The following TMTC2 variants were observed in gnomAD, a reference collection of about 807,000 sequenced individuals.
TMTC2 encodes the protein transmembrane O-mannosyltransferase targeting cadherins 2.
In TMTC2, 43 loss-of-function variants were observed where a neutral mutation model predicts 82.4. The ratio of observed to expected loss-of-function variants is 0.52; its 90% CI spans 0.41 to 0.67. TMTC2 has a LOEUF of 0.67. Among genes scored for constraint, TMTC2 ranks in the 30% least tolerant of loss-of-function variants. The pLI is 0.00. For missense variants in TMTC2, 919 were observed against 1,012.4 expected, an observed-to-expected ratio of 0.91 and a Z score of 1.25; for synonymous variants, 408 against 381.9, an observed-to-expected ratio of 1.07 and a Z score of -0.80.
intron 1 of TMTC2, among the ~76,000 whole-genome samples, chr12:82,789,562 A>C (rs763090053): frequency 6.6e-6 from 1 of 152,140 alleles, no homozygotes; most frequent in Non-Finnish European, 1.5e-5. Context: ...AATTATATAG[A>C]AATATAGACT....
intron 3 of TMTC2, among the ~76,000 whole-genome samples, chr12:82,913,304 A>G (rs1335028052): frequency 1.3e-5 from 2 of 152,242 alleles, no homozygotes; most frequent in African/African-American, 4.8e-5. Flanking sequence ...GAGGCTGTGC[A>G]CTGCTTTGGG....
At chr12:82,799,438 T>G (rs967115457) in intron 1 of TMTC2, among the ~76,000 whole-genome samples, 2 of 152,170 alleles carry the variant, frequency 1.3e-5, no homozygotes, top group African/African-American at 4.8e-5. Context: ...GTAAGTCACA[T>G]ATCTCTGAGA....
chr12:82,918,765 T>TCC (rs1875183816), intron 3 of TMTC2, among the ~76,000 whole-genome samples: 2 of 151,838 alleles, frequency 1.3e-5, no homozygotes, highest in Non-Finnish European at 2.9e-5. Context: ...TCTCTCTCTC[T>TCC]CCCTCTCTTT....
chr12:82,753,897 A>G (rs1341578979), intron 1 of TMTC2, among the ~76,000 whole-genome samples: 1 of 152,258 alleles, frequency 6.6e-6, no homozygotes, highest in Non-Finnish European at 1.5e-5. Context: ...ATTGGAAAAC[A>G]TTGATGGAGT....
chr12:82,735,488 G>A (rs1483533242), intron 1 of TMTC2, among the ~76,000 whole-genome samples: 4 of 151,830 alleles, frequency 2.6e-5, no homozygotes, highest in Admixed American at 1.3e-4. Flanking sequence ...TGGGACTACA[G>A]GCGCCCGCCA....
At chr12:82,836,827 G>GA (rs144387615) in intron 1 of TMTC2, among the ~76,000 whole-genome samples, 3,905 of 146,324 alleles carry the variant, frequency 0.027, 85 homozygotes, top group Non-Finnish European at 0.038. Context: ...TAACAGGATA[G>GA]AAAAAAAAAA....
chr12:82,836,565 C>T (rs1254534603), intron 1 of TMTC2, among the ~76,000 whole-genome samples: 1 of 152,114 alleles, frequency 6.6e-6, no homozygotes, highest in African/African-American at 2.4e-5. Context: ...TAGATTCTCC[C>T]CTAGAGCCTC....
chr12:82,965,227 C>T, intron 5 of TMTC2, 118 bp downstream of exon 5: 3 of 746,032 alleles, frequency 4.0e-6, no homozygotes, highest in Non-Finnish European at 6.7e-6. Context: ...ACTCGCTAAT[C>T]AGATTATGAA....
chr12:82,965,433 G>A (rs1460471790), intron 5 of TMTC2, 127 bp from the exon 6 acceptor site: 1 of 933,488 alleles, frequency 1.1e-6, no homozygotes, highest in Non-Finnish European at 1.6e-6. Flanking sequence ...GAGTATTTGT[G>A]TCATAAGTAT....
intron 1 of TMTC2, among the ~76,000 whole-genome samples, chr12:82,732,165 A>G (rs1392802205): frequency 6.6e-6 from 1 of 152,186 alleles, no homozygotes; most frequent in African/African-American, 2.4e-5. Context: ...TTTCTTTACC[A>G]ATTTCAAGTT....
At chr12:82,852,403 G>C (rs555984616) in intron 1 of TMTC2, among the ~76,000 whole-genome samples, 1 of 152,136 alleles carries the variant, frequency 6.6e-6, no homozygotes, top group South Asian at 2.1e-4. Context: ...CACCGCGCCC[G>C]GCCAGAGACT....
At chr12:82,895,635 T>A (rs1873622959) in intron 2 of TMTC2, among the ~76,000 whole-genome samples, 183 bp from the exon 3 acceptor site, 1 of 152,130 alleles carries the variant, frequency 6.6e-6, no homozygotes, top group Non-Finnish European at 1.5e-5. Flanking sequence ...GATTCAGGTT[T>A]TTTTGGAGAT....
At chr12:82,750,187 TC>T (rs911495348) in intron 1 of TMTC2, among the ~76,000 whole-genome samples, 1 of 152,198 alleles carries the variant, frequency 6.6e-6, no homozygotes, top group African/African-American at 2.4e-5. Context: ...TGTATTTCAT[TC>T]AAATTTTGAA....
chr12:82,996,952 G>T (rs1190847412), intron 8 of TMTC2, among the ~76,000 whole-genome samples: 1 of 152,104 alleles, frequency 6.6e-6, no homozygotes, highest in East Asian at 1.9e-4. Context: ...AGATTTCCTT[G>T]TATATCTCAA....
chr12:82,809,491 C>A (rs1592539420), intron 1 of TMTC2, among the ~76,000 whole-genome samples: 1 of 152,164 alleles, frequency 6.6e-6, no homozygotes, highest in Non-Finnish European at 1.5e-5. Context: ...CAGATTTCTG[C>A]AGGGGAGATG....
intron 1 of TMTC2, among the ~76,000 whole-genome samples, chr12:82,789,903 G>T (rs1298584493): frequency 6.6e-6 from 1 of 152,096 alleles, no homozygotes; most frequent in East Asian, 1.9e-4. Context: ...TACAGAGGAG[G>T]AAGCTGCTCA....
chr12:82,843,718 C>G (rs528803625), intron 1 of TMTC2, among the ~76,000 whole-genome samples: 2 of 151,788 alleles, frequency 1.3e-5, no homozygotes, highest in Non-Finnish European at 2.9e-5. Context: ...GAGTCCGGGG[C>G]GGGTGGATCA....
intron 2 of TMTC2, among the ~76,000 whole-genome samples, chr12:82,886,444 C>T (rs1232113061): frequency 6.6e-6 from 1 of 152,142 alleles, no homozygotes; most frequent in African/African-American, 2.4e-5. Context: ...TGGAGATGTA[C>T]TAATGCTTTC....
At chr12:83,097,609 G>C (rs1359105484) in intron 11 of TMTC2, among the ~76,000 whole-genome samples, 1 of 152,086 alleles carries the variant, frequency 6.6e-6, no homozygotes, top group Non-Finnish European at 1.5e-5. Context: ...TATTAAAAAG[G>C]ATTTTTATTC....
Sources: gnomAD v4.1 joint callset for allele counts (sites outside exome capture counted in the v4.1 genomes callset) on GRCh38, gnomAD v4.1.1 for gene constraint, MANE v1.5 for transcripts, NCBI Gene and HGNC (gene_info 2026-07-23, HGNC 2026-07-21) for gene names.